GRM3: variants seen among roughly 807,000 people sequenced by gnomAD.
GRM3 encodes glutamate metabotropic receptor 3, also known as metabotropic glutamate receptor 3.
A neutral mutation model predicts 70.5 loss-of-function variants in GRM3; 26 were observed. That is an observed-to-expected ratio of 0.37 (90% CI 0.27 to 0.51). The LOEUF (loss-of-function observed/expected upper bound fraction) is 0.51. Ranked by LOEUF, GRM3 falls within the 20% of genes least tolerant of loss-of-function variation. The pLI is 0.93. For missense variants in GRM3, 859 were observed against 1,123.8 expected (o/e 0.76, Z 3.37); for synonymous variants, 443 against 434.9 (o/e 1.02, Z -0.23).
At chr7:86,744,346 A>C (rs1177374397) in intron 1 of GRM3, among the ~76,000 whole-genome samples, 1 of 151,766 alleles carries the variant, frequency 6.6e-6, no homozygotes, top group Non-Finnish European at 1.5e-5. Flanking sequence ...AGGGGTCCAG[A>C]ATATTTGGGA....
chr7:86,714,272 T>C (rs1465671871), intron 1 of GRM3, among the ~76,000 whole-genome samples: 1 of 152,048 alleles, frequency 6.6e-6, no homozygotes. Flanking sequence ...CAATTTCATG[T>C]GATGTAACTA....
chr7:86,724,825 A>C (rs1185702290), intron 1 of GRM3, among the ~76,000 whole-genome samples: 1 of 152,100 alleles, frequency 6.6e-6, no homozygotes, highest in Non-Finnish European at 1.5e-5. Flanking sequence ...TCTTTGCCAA[A>C]TACTTTGGGT....
intron 1 of GRM3, among the ~76,000 whole-genome samples, chr7:86,730,868 C>T (rs925514026): frequency 6.6e-6 from 1 of 152,194 alleles, no homozygotes; most frequent in African/African-American, 2.4e-5. Context: ...TCTCTGCCCT[C>T]ATTTTCACGG....
At chr7:86,662,123 GCTT>G (rs949978687) in intron 1 of GRM3, among the ~76,000 whole-genome samples, 1 of 151,670 alleles carries the variant, frequency 6.6e-6, no homozygotes, top group African/African-American at 2.4e-5. Context: ...ACTATTAAAT[GCTT>G]CTTTTTTTGC....
chr7:86,725,080 G>A (rs1188636569), intron 1 of GRM3, among the ~76,000 whole-genome samples: 2 of 152,080 alleles, frequency 1.3e-5, no homozygotes, highest in African/African-American at 4.8e-5. Flanking sequence ...GTATGCATTG[G>A]AGTTGCCAAG....
In GRM3 at chr7:86,839,236, C is replaced by T. The variant is rs372193050; in HGVS notation, c.1722C>T (p.Asp574=). The T allele has an allele frequency of 2.9e-5, 47 of 1,613,658 alleles. 1 individual carries two copies. Among genetic ancestry groups the T allele is most frequent in the African/African-American group, 1.7e-4 (13 of 74,930 alleles). The change falls in exon 4 of 6, where the codon GAC becomes GAT. Residue 574 remains aspartate (D), a synonymous_variant. Transcript: ENST00000361669. This position sits in a 1 kb window ranked among gnomAD's most constrained non-coding sequence, Gnocchi z 4.5. The part of the protein sequence containing the change: ...DLPEDYIRWE[D]AWAIGPVTIA... ...CTGAGGACTACATCAGGTGGGAAGA[C>T]GCCTGGGCCATTGGCCCAGTCACCA...
At chr7:86,790,951 A>G (rs965665606) in intron 3 of GRM3, among the ~76,000 whole-genome samples, 1 of 151,932 alleles carries the variant, frequency 6.6e-6, no homozygotes, top group African/African-American at 2.4e-5. Flanking sequence ...CCCTTCTGTC[A>G]TACTACATCA....
chr7:86,765,042 T>C lies in GRM3; in HGVS notation c.-104T>C, dbSNP rs1171332808. 1 of 1,493,512 alleles carries C rather than the reference T, an allele frequency of 6.7e-7. No individual in the cohort carries two copies. The highest frequency in any genetic ancestry group is 2.3e-5 in the East Asian group (1 of 43,970). The allele number at this position is 1,493,512 out of a possible 1,614,324, so 92.5% of individuals were successfully genotyped here. ...CAGGCTCTGTTAGTCTGTTCCTCCC[T>C]TATTTGAAGGACAGGCCAAAGATCC... On this transcript the variant is annotated 5_prime_UTR_variant, in exon 2 of 6. Coordinates refer to ENST00000361669, the MANE Select transcript of GRM3 (RefSeq NM_000840.3).
intron 1 of GRM3, among the ~76,000 whole-genome samples, chr7:86,734,888 A>G (rs1795820085): frequency 6.6e-6 from 1 of 151,984 alleles, no homozygotes. Flanking sequence ...ACGCACCCCA[A>G]TTTTTTTCTA....
intron 1 of GRM3, among the ~76,000 whole-genome samples, chr7:86,751,614 A>C (rs1446552704): frequency 6.6e-6 from 1 of 151,930 alleles, no homozygotes; most frequent in East Asian, 1.9e-4. Flanking sequence ...CTCACTCTTC[A>C]CCTTTCTCTT....
chr7:86,734,083 C>A (rs1010393898), intron 1 of GRM3, among the ~76,000 whole-genome samples: 2 of 151,960 alleles, frequency 1.3e-5, no homozygotes, highest in African/African-American at 4.8e-5. Flanking sequence ...AGGAAAGTAG[C>A]CAAAGAAAGT....
chr7:86,706,938 T>A (rs1385838555), intron 1 of GRM3, among the ~76,000 whole-genome samples: 1 of 152,192 alleles, frequency 6.6e-6, no homozygotes, highest in Non-Finnish European at 1.5e-5. Flanking sequence ...TCATACAATT[T>A]TGCACTTAGA....
intron 3 of GRM3, among the ~76,000 whole-genome samples, chr7:86,832,778 T>C (rs1000707030): frequency 6.6e-6 from 1 of 152,178 alleles, no homozygotes; most frequent in Non-Finnish European, 1.5e-5. Context: ...CTAGGAGGAC[T>C]GGTCACCTTG....
At chr7:86,747,234 G>A (rs749630065) in intron 1 of GRM3, among the ~76,000 whole-genome samples, 2 of 152,034 alleles carry the variant, frequency 1.3e-5, no homozygotes, top group Non-Finnish European at 2.9e-5. Flanking sequence ...AACAAAGCAT[G>A]TTTTATCTGT....
chr7:86,661,247 G>A (rs757918194), intron 1 of GRM3, among the ~76,000 whole-genome samples: 3 of 151,936 alleles, frequency 2.0e-5, no homozygotes, highest in Non-Finnish European at 4.4e-5. Flanking sequence ...AAAATATGAT[G>A]CAATGTATGA....
intron 3 of GRM3, among the ~76,000 whole-genome samples, chr7:86,804,566 C>A (rs772842886): frequency 3.2e-4 from 49 of 152,110 alleles, no homozygotes; most frequent in Non-Finnish European, 6.9e-4. Flanking sequence ...CCCATCACCA[C>A]GTCCAGCTAA....
chr7:86,708,567 G>T (rs1795112025), intron 1 of GRM3, among the ~76,000 whole-genome samples: 1 of 152,054 alleles, frequency 6.6e-6, no homozygotes, highest in Non-Finnish European at 1.5e-5. Flanking sequence ...TGCCAGCTGG[G>T]GATAGACATC....
rs1797241612 is a variant in GRM3, at chr7:86,786,299, C to A, written c.507C>A (p.Ile169=). 2 of 1,614,034 alleles carry A rather than the reference C, an allele frequency of 1.2e-6. No homozygotes were observed. The highest frequency in any genetic ancestry group is 1.7e-6 in the Non-Finnish European group (2 of 1,179,908). ...TGCGGCTCTTCCAGATCCCTCAGAT[C>A]AGCTACGCATCCACCAGCGCCAAAC... ...NLLRLFQIPQ[I]SYASTSAKLS... is the part of the protein sequence containing the mutation. Residue 169 remains isoleucine, a synonymous_variant, in exon 3 of 6, where the codon ATC becomes ATA. Coordinates refer to ENST00000361669, the MANE Select transcript of GRM3 (RefSeq NM_000840.3). This position sits in a 1 kb window ranked among gnomAD's most constrained non-coding sequence, Gnocchi z 6.0.
intron 2 of GRM3, among the ~76,000 whole-genome samples, chr7:86,779,768 A>G (rs1323696471): frequency 6.6e-6 from 1 of 152,212 alleles, no homozygotes; most frequent in Non-Finnish European, 1.5e-5. Flanking sequence ...CAAGTGGTAA[A>G]GGTCATTCTA....
Sources: gnomAD v4.1 joint callset for allele counts (sites outside exome capture counted in the v4.1 genomes callset) on GRCh38, gnomAD v4.1.1 for gene constraint, Gnocchi (gnomAD v3.1) non-coding constraint, MANE v1.5 for transcripts, NCBI Gene and HGNC (gene_info 2026-07-23, HGNC 2026-07-21) for gene names.